SDHD: variants seen among roughly 807,000 people sequenced by gnomAD.
SDHD encodes succinate dehydrogenase complex subunit D.
SDHD carries 6 observed loss-of-function variants against 18.7 expected under a neutral mutation model. The observed-to-expected ratio is 0.32, with a 90% CI of 0.18 to 0.63. SDHD has a LOEUF of 0.63. Among genes scored for constraint, SDHD ranks in the 30% least tolerant of loss-of-function variants. The pLI, the probability that SDHD is intolerant of heterozygous loss-of-function variation, is 0.79. For synonymous variants in SDHD, 56 were observed against 73.9 expected (o/e 0.76, Z 1.24); for missense variants, 160 against 192.7 (o/e 0.83, Z 1.00).
At chr11:112,092,320 C>G (rs1865760582) in intron 3 of SDHD, among the ~76,000 whole-genome samples, 1 of 152,140 alleles carries the variant, frequency 6.6e-6, no homozygotes, top group Non-Finnish European at 1.5e-5. Flanking sequence ...ACTTTGCACC[C>G]TGTCACCAGC....
chr11:112,092,964 T>C (rs921233716), intron 3 of SDHD: 6 of 191,982 alleles, frequency 3.1e-5, no homozygotes, highest in South Asian at 2.4e-4. Context: ...TGATAAATGC[T>C]ATGACATGGA....
At chr11:112,092,689 A>G (rs992006348) in intron 3 of SDHD, among the ~76,000 whole-genome samples, 1 of 152,156 alleles carries the variant, frequency 6.6e-6, no homozygotes, top group African/African-American at 2.4e-5. Context: ...CGTTTCAATC[A>G]CTTTGGAAAA....
intron 3 of SDHD, among the ~76,000 whole-genome samples, chr11:112,091,312 A>G (rs1865742270): frequency 1.3e-5 from 2 of 151,990 alleles, no homozygotes; most frequent in Admixed American, 6.6e-5. Flanking sequence ...CCGGTTGTCT[A>G]TTTTCTGCCC....
chr11:112,093,096 G>GCGATCTTGGCTCGGCA (rs1409699019), intron 3 of SDHD: 2 of 328,212 alleles, frequency 6.1e-6, no homozygotes, highest in Admixed American at 7.1e-5. Flanking sequence ...GTGCAATGGT[G>GCGATCTTGGCTCGGCA]CGATCTTGGC....
intron 3 of SDHD, among the ~76,000 whole-genome samples, chr11:112,092,498 G>A (rs1865763484): frequency 6.6e-6 from 1 of 152,010 alleles, no homozygotes; most frequent in Non-Finnish European, 1.5e-5. Context: ...TATACAAATG[G>A]CCAATAAGCA....
At position 112,087,847 on chromosome 11, in the gene SDHD, C is replaced by G. The variant is rs201350484; in HGVS notation, c.53-10C>G. 6.3e-7 allele frequency: 1 copy of G among 1,581,670 alleles called. No homozygotes were observed. Among genetic ancestry groups the G allele is most frequent in the Non-Finnish European group, 8.7e-7 (1 of 1,150,992 alleles). The stretch of plus-strand genomic sequence containing the variant: ...GGTTCTTATGATCATCCTAATGACT[C>G]TTTCCTCAGCTCTGTTGCTTCGAAC... On this transcript the variant is annotated splice_polypyrimidine_tract_variant and intron_variant, in intron 1 of 3. Transcript: ENST00000375549.
At chr11:112,094,686 C>G in intron 3 of SDHD, 119 bp from the exon 4 acceptor site, 1 of 865,464 alleles carries the variant, frequency 1.2e-6, no homozygotes, top group Non-Finnish European at 1.9e-6. Flanking sequence ...AGTGGAGTGG[C>G]AAATGGAGAC....
At chr11:112,094,714 C>A in intron 3 of SDHD, 91 bp from the exon 4 acceptor site, 1 of 1,178,906 alleles carries the variant, frequency 8.5e-7, no homozygotes, top group Non-Finnish European at 1.2e-6. Flanking sequence ...TTGAACTTGA[C>A]AGATTGTTTT....
rs1485523500 is a variant in SDHD, at chr11:112,095,422, C to T, written c.*452C>T. The stretch of plus-strand genomic sequence containing the variant: ...CAGTGTTTAATTTTCGAAAACTTCC[C>T]TCTCTAGACAGTAGATACCACCTAC... On this transcript the variant is annotated 3_prime_UTR_variant, in exon 4 of 4. Coordinates refer to ENST00000375549, the MANE Select transcript of SDHD (RefSeq NM_003002.4). 1.4e-5 allele frequency: 4 copies of T among 284,712 alleles called. No homozygotes were observed. Among genetic ancestry groups the T allele is most frequent in the African/African-American group, 2.1e-5 (1 of 46,572 alleles). 17.6% of individuals were successfully genotyped at this position (284,712 alleles called of 1,614,324 possible). A position where few individuals can be genotyped will look rare whatever the true frequency, so the allele number is the denominator to read the frequency against.
chr11:112,086,896 C>T lies in SDHD; in HGVS notation c.-12C>T, dbSNP rs199955367. On this transcript the variant is annotated 5_prime_UTR_variant, in exon 1 of 4. Transcript: ENST00000375549. ...CCGGGTTGGTGGATGACCTTGAGCC[C>T]TCAGGAACGAGATGGCGGTTCTCTG... 15 of 1,614,196 alleles carry T rather than the reference C, an allele frequency of 9.3e-6. No individual in the cohort carries two copies. Among genetic ancestry groups the T allele is most frequent in the Admixed American group, 3.3e-5 (2 of 60,026 alleles).
chr11:112,092,248 T>C (rs1203530931), intron 3 of SDHD, among the ~76,000 whole-genome samples: 1 of 136,776 alleles, frequency 7.3e-6, no homozygotes, highest in Non-Finnish European at 1.6e-5. Flanking sequence ...GAACTTAAAG[T>C]AAAAGAAGAA....
intron 3 of SDHD, among the ~76,000 whole-genome samples, chr11:112,089,479 A>G (rs978203900): frequency 1.3e-5 from 2 of 152,056 alleles, no homozygotes; most frequent in Admixed American, 6.5e-5. Context: ...TCAAAACCCT[A>G]TTTTGTCTCT....
intron 3 of SDHD, among the ~76,000 whole-genome samples, chr11:112,092,085 A>G (rs538383838): frequency 6.6e-6 from 1 of 152,160 alleles, no homozygotes; most frequent in East Asian, 1.9e-4. Context: ...CAAAACTCTG[A>G]ATCGGTCGAG....
intron 3 of SDHD, among the ~76,000 whole-genome samples, chr11:112,091,799 G>T (rs1865750188): frequency 6.6e-6 from 1 of 152,152 alleles, no homozygotes. Flanking sequence ...GGCCAGGCGT[G>T]GTCTCACGCC....
At chr11:112,092,051 G>C (rs1038214464) in intron 3 of SDHD, among the ~76,000 whole-genome samples, 1 of 152,194 alleles carries the variant, frequency 6.6e-6, no homozygotes, top group Non-Finnish European at 1.5e-5. Flanking sequence ...CTGGGTGACA[G>C]AGTGAGACTC....
At chr11:112,090,782 G>A (rs753033044) in intron 3 of SDHD, among the ~76,000 whole-genome samples, 1 of 151,288 alleles carries the variant, frequency 6.6e-6, no homozygotes, top group Admixed American at 6.6e-5. Flanking sequence ...TGCAACCTCT[G>A]CCTCCTGGGT....
chr11:112,095,130 G>T lies in SDHD; in HGVS notation c.*160G>T. ...TTATTTTCAGAATTTAATCTTTGAGGAAAAGGTTTGAGAGGAATTATATCT... is the reference window on the plus strand; with the variant it reads ...TTATTTTCAGAATTTAATCTTTGAGTAAAAGGTTTGAGAGGAATTATATCT... On this transcript the variant is annotated 3_prime_UTR_variant, in exon 4 of 4. Coordinates refer to ENST00000375549, the MANE Select transcript of SDHD (RefSeq NM_003002.4). 2 of 692,496 alleles carry T rather than the reference G, an allele frequency of 2.9e-6. No individual in the cohort carries two copies. The highest frequency in any genetic ancestry group is 5.1e-6 in the Non-Finnish European group (2 of 391,102). 42.9% of individuals were successfully genotyped at this position (692,496 alleles called of 1,614,324 possible). A position where few individuals can be genotyped will look rare whatever the true frequency, so the allele number is the denominator to read the frequency against.
intron 1 of SDHD, 21 bp downstream of exon 1, chr11:112,086,980 G>A (rs1387790923): frequency 6.2e-7 from 1 of 1,613,952 alleles, no homozygotes. Flanking sequence ...TTCCCACCCT[G>A]AGGTGCTTAG....
chr11:112,094,812 G>C lies in SDHD; in HGVS notation c.322G>C (p.Gly108Arg). 6.2e-7 allele frequency: 1 copy of C among 1,611,736 alleles called. No individual in the cohort carries two copies. Among genetic ancestry groups the C allele is most frequent in the Non-Finnish European group, 8.5e-7 (1 of 1,179,672 alleles). ...TTTTTTCTTTTTCTTTAGGGGCCTTGGACAAGTTGTTACTGACTATGTTCA... is the reference window on the plus strand; with the variant it reads ...TTTTTTCTTTTTCTTTAGGGGCCTTCGACAAGTTGTTACTGACTATGTTCA... ...ALTLHGHWGL[G>R]QVVTDYVHGD... Residue 108 changes from glycine to arginine, a missense_variant, in exon 4 of 4, where the codon GGA becomes CGA. By Grantham distance (125) the Gly-to-Arg change is moderately radical. Coordinates refer to ENST00000375549, the MANE Select transcript of SDHD (RefSeq NM_003002.4).
Sources: allele counts gnomAD v4.1 joint callset (sites outside exome capture counted in the v4.1 genomes callset), GRCh38; gene constraint gnomAD v4.1.1; transcripts MANE v1.5; gene names NCBI Gene and HGNC (gene_info 2026-07-23, HGNC 2026-07-21).